The following GRM8 variants were observed in gnomAD, a reference collection of about 807,000 sequenced individuals.
The protein encoded by GRM8 is metabotropic glutamate receptor 8.
Under a neutral mutation model 87.2 loss-of-function variants are expected in GRM8, and 47 were observed. The observed-to-expected ratio is 0.54, with a 90% CI of 0.43 to 0.69. GRM8 has a LOEUF of 0.69. GRM8 is among the 30% of genes least tolerant of loss of function. GRM8 has a pLI of 0.00. For missense variants in GRM8, 1,019 were observed against 1,139.2 expected, an observed-to-expected ratio of 0.89 and a Z score of 1.52; for synonymous variants, 396 against 404.5, an observed-to-expected ratio of 0.98 and a Z score of 0.25.
At chr7:127,195,467 G>A (rs551091156) in intron 2 of GRM8, among the ~76,000 whole-genome samples, 5 of 152,202 alleles carry the variant, frequency 3.3e-5, no homozygotes, top group South Asian at 2.1e-4. Flanking sequence ...TAGTTAAGCC[G>A]CATACCTTAC....
chr7:127,228,136 G>A (rs771691391), intron 2 of GRM8, among the ~76,000 whole-genome samples: 3 of 152,188 alleles, frequency 2.0e-5, no homozygotes, highest in Non-Finnish European at 2.9e-5. Context: ...GCAGTAAAAA[G>A]CAATGGTTGA....
rs556934622 is a variant in GRM8 at position 126,570,831 on chromosome 7, C to A, written c.1495-36944G>T. ...AAATAGGTGTCTAGTTGATTCACAT[C>A]TTCTTTCATAAATACCCCAAAAAGT... On this transcript the variant is annotated intron_variant, in intron 8 of 10. Coordinates refer to ENST00000339582, the MANE Select transcript of GRM8 (RefSeq NM_000845.3). 5.9e-5 allele frequency among the ~76,000 whole-genome samples: 9 copies of A among 152,314 alleles called. No homozygotes were observed. In the South Asian group the frequency reaches 1.0e-3, roughly 18 times the overall value.
chr7:126,747,594 T>G (rs1409095382), intron 7 of GRM8, among the ~76,000 whole-genome samples: 1 of 152,050 alleles, frequency 6.6e-6, no homozygotes, highest in African/African-American at 2.4e-5. Context: ...TTAATACTAT[T>G]CATATTCTGA....
At chr7:126,776,957 C>T (rs1372414071) in intron 6 of GRM8, among the ~76,000 whole-genome samples, 1 of 152,044 alleles carries the variant, frequency 6.6e-6, no homozygotes, top group Non-Finnish European at 1.5e-5. Flanking sequence ...GAACAAATAC[C>T]ACTAAACCCA....
intron 2 of GRM8, among the ~76,000 whole-genome samples, chr7:127,136,430 T>C (rs1827948448): frequency 6.6e-6 from 1 of 152,136 alleles, no homozygotes; most frequent in Non-Finnish European, 1.5e-5. Context: ...GAAGCTAGTA[T>C]CCATAATAGT....
chr7:126,915,353 T>C (rs1000351486), intron 3 of GRM8, among the ~76,000 whole-genome samples: 1 of 152,224 alleles, frequency 6.6e-6, no homozygotes, highest in Non-Finnish European at 1.5e-5. Context: ...AAACACCTGC[T>C]AGTTGTAAAT....
At chr7:126,806,413 G>C (rs1223450505) in intron 6 of GRM8, among the ~76,000 whole-genome samples, 2 of 152,236 alleles carry the variant, frequency 1.3e-5, no homozygotes, top group Non-Finnish European at 2.9e-5. Context: ...AAGAGCGAAA[G>C]AACAAAACCT....
intron 9 of GRM8, among the ~76,000 whole-genome samples, chr7:126,475,114 T>C (rs556551322): frequency 6.6e-6 from 1 of 152,210 alleles, no homozygotes; most frequent in East Asian, 1.9e-4. Flanking sequence ...CAACATAGTA[T>C]TGGGAGTTGT....
At chr7:126,886,149 TA>T (rs1586324053) in intron 6 of GRM8, among the ~76,000 whole-genome samples, 1 of 152,068 alleles carries the variant, frequency 6.6e-6, no homozygotes, top group South Asian at 2.1e-4. Context: ...ATATTGAAGA[TA>T]GGGGTCATTT....
intron 3 of GRM8, among the ~76,000 whole-genome samples, chr7:126,969,720 TG>T (rs1810223494): frequency 6.6e-6 from 1 of 152,196 alleles, no homozygotes. Flanking sequence ...GAATCACAAA[TG>T]TTCTTACTGG....
At chr7:126,518,636 T>G (rs1427419551) in intron 9 of GRM8, among the ~76,000 whole-genome samples, 2 of 152,052 alleles carry the variant, frequency 1.3e-5, no homozygotes, top group Non-Finnish European at 2.9e-5. Flanking sequence ...TGATTAAGGT[T>G]TATGAGACCA....
At chr7:126,928,959 T>C (rs1287980467) in intron 3 of GRM8, among the ~76,000 whole-genome samples, 1 of 152,150 alleles carries the variant, frequency 6.6e-6, no homozygotes, top group Non-Finnish European at 1.5e-5. Context: ...CAGAAAAGGT[T>C]GTCTGAGGAA....
At chr7:126,483,919 C>T (rs1048221609) in intron 9 of GRM8, among the ~76,000 whole-genome samples, 1 of 151,800 alleles carries the variant, frequency 6.6e-6, no homozygotes, top group Non-Finnish European at 1.5e-5. Context: ...TGTAAATAAA[C>T]ATGTTATCTG....
At chr7:127,191,544 G>A (rs912591067) in intron 2 of GRM8, among the ~76,000 whole-genome samples, 11 of 152,110 alleles carry the variant, frequency 7.2e-5, no homozygotes, top group African/African-American at 2.4e-4. Flanking sequence ...TCACTCTGAT[G>A]CCTTAATCTT....
chr7:126,937,181 G>T (rs1338740011), intron 3 of GRM8, among the ~76,000 whole-genome samples: 2 of 152,180 alleles, frequency 1.3e-5, no homozygotes, highest in Non-Finnish European at 2.9e-5. Context: ...CAAACATTCA[G>T]GTAGGGCAGG....
chr7:126,509,714 G>GATAAAATT (rs1235163249), intron 9 of GRM8, among the ~76,000 whole-genome samples: 1 of 151,906 alleles, frequency 6.6e-6, no homozygotes, highest in South Asian at 2.1e-4. Context: ...AAATGATAGA[G>GATAAAATT]ATAAAATTTG....
chr7:127,181,903 A>G (rs901773566), intron 2 of GRM8, among the ~76,000 whole-genome samples: 2 of 152,046 alleles, frequency 1.3e-5, no homozygotes, highest in Non-Finnish European at 2.9e-5. Flanking sequence ...AGATGATAAC[A>G]TTGGAAAAAC....
intron 2 of GRM8, among the ~76,000 whole-genome samples, chr7:127,174,363 C>T (rs977929938): frequency 1.3e-5 from 2 of 152,156 alleles, no homozygotes; most frequent in African/African-American, 2.4e-5. Context: ...AAGCCAGCTT[C>T]TACCTCAGGC....
At chr7:126,774,108 C>T (rs1451128064) in intron 6 of GRM8, among the ~76,000 whole-genome samples, 1 of 152,102 alleles carries the variant, frequency 6.6e-6, no homozygotes, top group Non-Finnish European at 1.5e-5. Context: ...TCAACATAAG[C>T]ATATGGTGAC....
Sources: allele counts gnomAD v4.1 joint callset (sites outside exome capture counted in the v4.1 genomes callset), GRCh38; gene constraint gnomAD v4.1.1; transcripts MANE v1.5; gene names NCBI Gene and HGNC (gene_info 2026-07-23, HGNC 2026-07-21).